The following PBX3 variants were observed in gnomAD, a reference collection of about 807,000 sequenced individuals.
The protein encoded by PBX3 is pre-B-cell leukemia transcription factor 3.
Under a neutral mutation model 48.5 loss-of-function variants are expected in PBX3, and 14 were observed. That is an observed-to-expected ratio of 0.29 (90% CI 0.19 to 0.45). The LOEUF is 0.45. PBX3 is among the 20% of genes least tolerant of loss of function. The pLI, the probability that PBX3 is intolerant of heterozygous loss-of-function variation, is 1.00. For synonymous variants in PBX3, 210 were observed against 200.3 expected, an observed-to-expected ratio of 1.05 and a Z score of -0.41; for missense variants, 386 against 546.7, an observed-to-expected ratio of 0.71 and a Z score of 2.93.
chr9:125,798,326 C>T (rs753737413), intron 2 of PBX3, among the ~76,000 whole-genome samples: 12 of 152,032 alleles, frequency 7.9e-5, no homozygotes, highest in Non-Finnish European at 1.2e-4. Flanking sequence ...TAATTACACA[C>T]AAGTTCTCAG....
chr9:125,934,974 T>C (rs1754264040), intron 4 of PBX3, among the ~76,000 whole-genome samples: 1 of 152,208 alleles, frequency 6.6e-6, no homozygotes, highest in Admixed American at 6.5e-5. Context: ...TAGTTTCCTA[T>C]TGCACTCAGC....
intron 3 of PBX3, among the ~76,000 whole-genome samples, chr9:125,927,510 G>C (rs1296836178): frequency 3.3e-5 from 5 of 152,138 alleles, no homozygotes; most frequent in Admixed American, 3.3e-4. Flanking sequence ...GATATCTCTA[G>C]GGAAGTGGAC....
chr9:125,753,858 T>C (rs764993142), intron 2 of PBX3, among the ~76,000 whole-genome samples: 285 of 152,264 alleles, frequency 1.9e-3, no homozygotes, highest in Non-Finnish European at 3.0e-3. Context: ...TAATTTTGCC[T>C]GTATATTTCC....
intron 2 of PBX3, among the ~76,000 whole-genome samples, chr9:125,787,421 TAATG>T (rs551728577): frequency 2.8e-4 from 43 of 152,262 alleles, no homozygotes; most frequent in Admixed American, 1.0e-3. Flanking sequence ...TTACTCCAGA[TAATG>T]AAAGAGTGAG....
intron 2 of PBX3, among the ~76,000 whole-genome samples, chr9:125,831,068 C>G (rs937095371): frequency 3.9e-5 from 6 of 152,282 alleles, no homozygotes; most frequent in African/African-American, 7.2e-5. Flanking sequence ...CTGAAAAAAT[C>G]AGAATGTTTT....
intron 2 of PBX3, among the ~76,000 whole-genome samples, chr9:125,898,116 A>C (rs775580920): frequency 6.6e-6 from 1 of 151,712 alleles, no homozygotes; most frequent in Non-Finnish European, 1.5e-5. Flanking sequence ...AGTTCTTTGG[A>C]CCTGTGGTCT....
At chr9:125,911,776 A>G (rs1841209120) in intron 2 of PBX3, among the ~76,000 whole-genome samples, 1 of 152,104 alleles carries the variant, frequency 6.6e-6, no homozygotes, top group Non-Finnish European at 1.5e-5. Context: ...AAAAAATCAA[A>G]CAACTCAAGT....
intron 2 of PBX3, among the ~76,000 whole-genome samples, chr9:125,808,488 G>A (rs1245300738): frequency 6.6e-6 from 1 of 151,998 alleles, no homozygotes. Context: ...CCACCCTGGG[G>A]ACTCTGTCTC....
At chr9:125,779,625 A>G (rs1317334802) in intron 2 of PBX3, among the ~76,000 whole-genome samples, 3 of 118,390 alleles carry the variant, frequency 2.5e-5, no homozygotes, top group Admixed American at 1.8e-4. Flanking sequence ...TTATCTTAGT[A>G]CAGAACAAAA....
intron 2 of PBX3, among the ~76,000 whole-genome samples, chr9:125,871,376 G>A (rs1223929280): frequency 9.4e-6 from 1 of 106,706 alleles, no homozygotes; most frequent in Non-Finnish European, 2.1e-5. Flanking sequence ...GCAAGACTCC[G>A]TCTCAAAAAA....
At chr9:125,812,017 C>T (rs1047757988) in intron 2 of PBX3, among the ~76,000 whole-genome samples, 12 of 152,148 alleles carry the variant, frequency 7.9e-5, no homozygotes, top group African/African-American at 2.9e-4. Context: ...CCCAAGGGAA[C>T]TTATTTGTCC....
chr9:125,849,253 G>T (rs1363963541), intron 2 of PBX3, among the ~76,000 whole-genome samples: 1 of 151,848 alleles, frequency 6.6e-6, no homozygotes. Flanking sequence ...TTTATTTGCA[G>T]ATATAACAGA....
intron 2 of PBX3, among the ~76,000 whole-genome samples, chr9:125,879,825 A>G (rs1427988005): frequency 6.6e-6 from 1 of 152,148 alleles, no homozygotes; most frequent in East Asian, 1.9e-4. Context: ...ATTTCCAAAT[A>G]TGCTTTTGGA....
intron 2 of PBX3, among the ~76,000 whole-genome samples, chr9:125,787,942 A>G (rs1286717602): frequency 6.6e-6 from 1 of 152,130 alleles, no homozygotes; most frequent in Non-Finnish European, 1.5e-5. Context: ...TGATTTATTT[A>G]TTTTTTAAGG....
At chr9:125,815,962 C>A (rs1474360162) in intron 2 of PBX3, among the ~76,000 whole-genome samples, 1 of 151,164 alleles carries the variant, frequency 6.6e-6, no homozygotes, top group Non-Finnish European at 1.5e-5. Context: ...TCTTCTTCAG[C>A]CCCACCCCCT....
At chr9:125,929,538 C>A in intron 3 of PBX3, 117 bp from the exon 4 acceptor site, 1 of 667,106 alleles carries the variant, frequency 1.5e-6, no homozygotes, top group Admixed American at 3.0e-5. Flanking sequence ...TTCATTTTAC[C>A]CTACACACTG....
At chr9:125,751,348 G>C (rs555497926) in intron 2 of PBX3, among the ~76,000 whole-genome samples, 2 of 152,326 alleles carry the variant, frequency 1.3e-5, no homozygotes, top group African/African-American at 2.4e-5. Context: ...AGCTCTGCCA[G>C]TGGATTTTGA....
chr9:125,780,407 G>A (rs1247899825), intron 2 of PBX3, among the ~76,000 whole-genome samples: 38 of 78,024 alleles, frequency 4.9e-4, no homozygotes, highest in South Asian at 2.2e-3. Flanking sequence ...CTGGCCGGGC[G>A]GGGGGCTGAC....
At chr9:125,914,584 T>C (rs1841283883) in intron 2 of PBX3, among the ~76,000 whole-genome samples, 1 of 152,168 alleles carries the variant, frequency 6.6e-6, no homozygotes, top group African/African-American at 2.4e-5. Context: ...TGTGTACCAC[T>C]GTGGATAAAC....
Sources: gnomAD v4.1 joint callset for allele counts (sites outside exome capture counted in the v4.1 genomes callset) on GRCh38, gnomAD v4.1.1 for gene constraint, MANE v1.5 for transcripts, NCBI Gene and HGNC (gene_info 2026-07-23, HGNC 2026-07-21) for gene names.